The following ST8SIA1 variants were observed in gnomAD, a reference collection of about 807,000 sequenced individuals.
The protein encoded by ST8SIA1 is alpha-N-acetylneuraminide alpha-2,8-sialyltransferase.
ST8SIA1 carries 16 observed loss-of-function variants against 35.9 expected under a neutral mutation model. The ratio of observed to expected loss-of-function variants is 0.45; its 90% CI spans 0.30 to 0.68. The LOEUF is 0.68. Ranked by LOEUF, ST8SIA1 falls within the 30% of genes least tolerant of loss-of-function variation. The pLI is 0.09. For missense variants in ST8SIA1, 383 were observed against 453.6 expected (o/e 0.84, Z 1.41); for synonymous variants, 170 against 169.6 (o/e 1.00, Z -0.02).
chr12:22,297,580 C>T (rs1003261254), intron 1 of ST8SIA1, among the ~76,000 whole-genome samples: 2 of 152,032 alleles, frequency 1.3e-5, no homozygotes, highest in African/African-American at 2.4e-5. Context: ...AGAGTATTAA[C>T]TGTGCCACCT....
Position 22,296,875 on chromosome 12 carries a change from CCA to C in ST8SIA1, c.237-9584_237-9583del, listed in dbSNP as rs149875097. 4.3e-4 allele frequency among the ~76,000 whole-genome samples: 66 copies of C among 152,286 alleles called. 1 individual carries two copies. The highest frequency in any genetic ancestry group is 1.5e-3 in the African/African-American group (64 of 41,560). On this transcript the variant is annotated intron_variant, in intron 1 of 4. Transcript: ENST00000396037. ...CGGTCCAGATCACAAGTACCAGTCACCACATGAACACCTATACTCCACTGGGC... is the reference window on the plus strand; with the variant it reads ...CGGTCCAGATCACAAGTACCAGTCACCATGAACACCTATACTCCACTGGGC...
chr12:22,216,165 CCTT>C (rs903248818), intron 4 of ST8SIA1, among the ~76,000 whole-genome samples: 10 of 152,178 alleles, frequency 6.6e-5, no homozygotes, highest in African/African-American at 1.9e-4. Flanking sequence ...CAAGCCTCCT[CCTT>C]CTTATTTTAA....
intron 3 of ST8SIA1, among the ~76,000 whole-genome samples, chr12:22,252,604 C>A (rs56345305): frequency 0.015 from 2,303 of 152,062 alleles, 61 homozygotes; most frequent in African/African-American, 0.053. Flanking sequence ...TTCTTTCAAC[C>A]CTCATCTCCC....
intron 1 of ST8SIA1, among the ~76,000 whole-genome samples, chr12:22,321,384 AC>A (rs1481886517): frequency 6.6e-6 from 1 of 152,080 alleles, no homozygotes; most frequent in Non-Finnish European, 1.5e-5. Flanking sequence ...GGAAGCAGCC[AC>A]CCCCAACAGA....
At chr12:22,319,553 TG>T (rs1866557891) in intron 1 of ST8SIA1, among the ~76,000 whole-genome samples, 1 of 152,196 alleles carries the variant, frequency 6.6e-6, no homozygotes, top group Admixed American at 6.5e-5. Flanking sequence ...AGTCCAAGGC[TG>T]GAGATGCAGC....
chr12:22,201,390 G>T lies in ST8SIA1; in HGVS notation c.*162C>A. The T allele has an allele frequency of 1.1e-6, 1 of 949,554 alleles. No homozygotes were observed. The highest frequency in any genetic ancestry group is 1.5e-6 in the Non-Finnish European group (1 of 654,922). The allele number at this position is 949,554 out of a possible 1,614,324, so 58.8% of individuals were successfully genotyped here. On this transcript the variant is annotated 3_prime_UTR_variant, in exon 5 of 5. Transcript: ENST00000396037. ...GTTTCATTTCTTATTTGTCCTCCAAGCCAACGCTGAAAGTAAAGTTTTGCT... is the reference window on the plus strand; with the variant it reads ...GTTTCATTTCTTATTTGTCCTCCAATCCAACGCTGAAAGTAAAGTTTTGCT...
chr12:22,311,818 T>G, intron 1 of ST8SIA1, among the ~76,000 whole-genome samples: 1 of 152,214 alleles, frequency 6.6e-6, no homozygotes, highest in Non-Finnish European at 1.5e-5. Flanking sequence ...TAAACAATAA[T>G]AGTTTATGTA....
chr12:22,239,969 T>C (rs1024493028), intron 4 of ST8SIA1, among the ~76,000 whole-genome samples: 2 of 152,204 alleles, frequency 1.3e-5, no homozygotes, highest in Non-Finnish European at 2.9e-5. Context: ...TTTTCTGTTT[T>C]TGTTTTTTTT....
chr12:22,298,990 G>C (rs979485805), intron 1 of ST8SIA1, among the ~76,000 whole-genome samples: 2 of 152,064 alleles, frequency 1.3e-5, no homozygotes, highest in Admixed American at 6.6e-5. Flanking sequence ...CATTTGACAA[G>C]GAGTGAATAA....
chr12:22,326,336 C>G (rs894775236), intron 1 of ST8SIA1: 1 of 154,642 alleles, frequency 6.5e-6, no homozygotes, highest in East Asian at 1.9e-4. Context: ...ACCCTCAGCA[C>G]TAACTCTGTG....
chr12:22,274,126 C>T (rs962825398), intron 2 of ST8SIA1, among the ~76,000 whole-genome samples: 2 of 152,090 alleles, frequency 1.3e-5, no homozygotes, highest in Admixed American at 6.5e-5. Context: ...GAAAGAAGGC[C>T]AGTAAAGCAA....
intron 4 of ST8SIA1, among the ~76,000 whole-genome samples, chr12:22,209,043 C>G (rs1865146605): frequency 6.6e-6 from 1 of 151,936 alleles, no homozygotes; most frequent in African/African-American, 2.4e-5. Context: ...ACCTTTAGGA[C>G]ACAAAAGACA....
intron 2 of ST8SIA1, among the ~76,000 whole-genome samples, chr12:22,269,638 T>A (rs1441634870): frequency 6.6e-6 from 1 of 152,230 alleles, no homozygotes; most frequent in Non-Finnish European, 1.5e-5. Flanking sequence ...AATACTGTTA[T>A]AAACATCTTT....
At chr12:22,315,429 T>G (rs576188791) in intron 1 of ST8SIA1, among the ~76,000 whole-genome samples, 17 of 152,254 alleles carry the variant, frequency 1.1e-4, no homozygotes, top group African/African-American at 3.9e-4. Context: ...AATTAACACG[T>G]ACTGATTTTT....
chr12:22,288,879 T>G (rs537721586), intron 1 of ST8SIA1, among the ~76,000 whole-genome samples: 109 of 152,274 alleles, frequency 7.2e-4, no homozygotes, highest in African/African-American at 2.6e-3. Context: ...GGTAAAGGTT[T>G]TCTTTGTTGT....
chr12:22,226,071 T>C (rs770994723), intron 4 of ST8SIA1, among the ~76,000 whole-genome samples: 2 of 152,224 alleles, frequency 1.3e-5, no homozygotes, highest in Admixed American at 6.5e-5. Flanking sequence ...TTTCTTATTC[T>C]TGAATATTTG....
rs999485733 is a variant in ST8SIA1, at chr12:22,197,105, G to C, written c.*4447C>G. 6.6e-6 allele frequency: 1 copy of C among 152,142 alleles called. No individual in the cohort carries two copies. Among genetic ancestry groups the C allele is most frequent in the African/African-American group, 2.4e-5 (1 of 41,416 alleles). 9.4% of individuals were successfully genotyped at this position (152,142 alleles called of 1,614,324 possible). A position where few individuals can be genotyped will look rare whatever the true frequency, so the allele number is the denominator to read the frequency against. ...GACTTTATTAGAGGTTTTGACCTAG[G>C]TTGCCAGGCCTTGAAATTGTTAACC... On this transcript the variant is annotated 3_prime_UTR_variant, in exon 5 of 5. Coordinates refer to ENST00000396037, the MANE Select transcript of ST8SIA1 (RefSeq NM_003034.4).
rs11367158 is a variant in ST8SIA1 at position 22,259,474 on chromosome 12, C to CT, written c.382-4086dup. Among the ~76,000 whole-genome samples, 420 of 147,240 alleles carry CT rather than the reference C, an allele frequency of 2.9e-3. 1 individual carries two copies. Among genetic ancestry groups the CT allele is most frequent in the African/African-American group, 9.0e-3 (361 of 40,120 alleles). ...GAGAAAATACTATGGATTTTTTTTT[C>CT]TTTTTTTTTTTGAGACAGAGTCTCC... On this transcript the variant is annotated intron_variant, in intron 2 of 4. Transcript: ENST00000396037.
chr12:22,327,038 C>A (rs952165954), intron 1 of ST8SIA1, among the ~76,000 whole-genome samples: 5 of 152,154 alleles, frequency 3.3e-5, no homozygotes, highest in African/African-American at 9.7e-5. Context: ...CTGATAGACT[C>A]CCAAGTTACA....
Sources: gnomAD v4.1 joint callset for allele counts (sites outside exome capture counted in the v4.1 genomes callset) on GRCh38, gnomAD v4.1.1 for gene constraint, MANE v1.5 for transcripts, NCBI Gene and HGNC (gene_info 2026-07-23, HGNC 2026-07-21) for gene names.